The following UNC13C variants were observed in gnomAD, a reference collection of about 807,000 sequenced individuals.
UNC13C encodes unc-13 homolog C.
In UNC13C, 174 loss-of-function variants were observed where a neutral mutation model predicts 245.4. The ratio of observed to expected loss-of-function variants is 0.71; its 90% CI spans 0.63 to 0.80. The LOEUF (loss-of-function observed/expected upper bound fraction) is 0.80. UNC13C is among the 30% of genes least tolerant of loss of function. The pLI is 0.00. For synonymous variants in UNC13C, 992 were observed against 895.1 expected (o/e 1.11, Z -1.93); for missense variants, 2,829 against 2,602.9 (o/e 1.09, Z -1.89).
chr15:54,224,070 T>C (rs1021865993), intron 4 of UNC13C, among the ~76,000 whole-genome samples: 1 of 152,120 alleles, frequency 6.6e-6, no homozygotes, highest in African/African-American at 2.4e-5. Flanking sequence ...TATAAGATCA[T>C]ATCATGTGCA....
At chr15:54,223,918 CTTGA>C (rs1488681559) in intron 4 of UNC13C, among the ~76,000 whole-genome samples, 1 of 151,798 alleles carries the variant, frequency 6.6e-6, no homozygotes, top group Non-Finnish European at 1.5e-5. Context: ...AGGTTACTTT[CTTGA>C]TTTTGTTTTC....
At chr15:53,869,909 A>G in the UNC13C span, among the ~76,000 whole-genome samples, 1 of 152,220 alleles carries the variant, frequency 6.6e-6, no homozygotes, top group Non-Finnish European at 1.5e-5. Context: ...CTATTTAGAT[A>G]AACTCCTCTG....
chr15:54,292,334 A>T (rs924317510), intron 10 of UNC13C, among the ~76,000 whole-genome samples: 2 of 151,924 alleles, frequency 1.3e-5, no homozygotes, highest in Non-Finnish European at 1.5e-5. Context: ...TGTCCTGTAC[A>T]TGGTGGGGTA....
In UNC13C at chr15:54,613,494, T is replaced by C. The variant is rs558046367; in HGVS notation, c.6107-8833T>C. 2.0e-4 allele frequency among the ~76,000 whole-genome samples: 30 copies of C among 152,002 alleles called. 1 individual carries two copies. The South Asian group carries it at 5.8e-3, about 29-fold the overall frequency. On this transcript the variant is annotated intron_variant, in intron 30 of 32. Transcript: ENST00000260323. ...AAACCTCAAACAATACCTAGTGAAA[T>C]AAAACTGTACAATGATACTCATAAT...
At chr15:54,556,201 A>G (rs1897082610) in intron 29 of UNC13C, among the ~76,000 whole-genome samples, 1 of 152,080 alleles carries the variant, frequency 6.6e-6, no homozygotes, top group South Asian at 2.1e-4. Context: ...TCTAAATTCA[A>G]ATGATGTCCA....
chr15:54,428,275 T>C (rs1200466382), intron 19 of UNC13C, among the ~76,000 whole-genome samples: 1 of 151,714 alleles, frequency 6.6e-6, no homozygotes, highest in African/African-American at 2.4e-5. Flanking sequence ...ATCCAGTCTT[T>C]ACCCTGAACT....
chr15:54,200,817 G>A (rs2034499307), intron 4 of UNC13C, among the ~76,000 whole-genome samples: 1 of 151,794 alleles, frequency 6.6e-6, no homozygotes, highest in Admixed American at 6.6e-5. Context: ...ACATAACAAA[G>A]ATCAGAGCAG....
intron 20 of UNC13C, among the ~76,000 whole-genome samples, chr15:54,497,819 C>G (rs1387365771): frequency 6.6e-6 from 1 of 152,016 alleles, no homozygotes; most frequent in Non-Finnish European, 1.5e-5. Context: ...AAAGAAGGAA[C>G]ATTATAAACA....
At chr15:54,350,043 G>A (rs1465404650) in intron 17 of UNC13C, among the ~76,000 whole-genome samples, 1 of 151,960 alleles carries the variant, frequency 6.6e-6, no homozygotes, top group Middle Eastern at 3.4e-3. Context: ...GCTGGAGTGA[G>A]TGCAGTGGCA....
the UNC13C span, among the ~76,000 whole-genome samples, chr15:53,921,915 A>C: frequency 5.4e-4 from 82 of 152,334 alleles, 1 homozygote; most frequent in East Asian, 0.011. Flanking sequence ...CATGTAATCT[A>C]AGACTATTTT....
chr15:54,447,236 A>G (rs1264843022), intron 19 of UNC13C, among the ~76,000 whole-genome samples: 1 of 151,842 alleles, frequency 6.6e-6, no homozygotes, highest in African/African-American at 2.4e-5. Flanking sequence ...CATCAGGGAT[A>G]TTGGTCTAAA....
At chr15:53,902,100 A>T in the UNC13C span, among the ~76,000 whole-genome samples, 1 of 151,208 alleles carries the variant, frequency 6.6e-6, no homozygotes, top group Non-Finnish European at 1.5e-5. Context: ...TTTCTTCAAT[A>T]TTTTCAATAT....
At chr15:54,500,289 G>A in intron 21 of UNC13C, 114 bp downstream of exon 21, 1 of 787,344 alleles carries the variant, frequency 1.3e-6, no homozygotes, top group Non-Finnish European at 2.0e-6. Flanking sequence ...ATTCCCCAGT[G>A]ACCAAAATTA....
chr15:53,962,998 C>G, the UNC13C span, among the ~76,000 whole-genome samples: 1 of 152,168 alleles, frequency 6.6e-6, no homozygotes, highest in Non-Finnish European at 1.5e-5. Flanking sequence ...ATTTATGTAG[C>G]TTTCTCGACT....
At chr15:54,557,895 A>C (rs1277564987) in intron 29 of UNC13C, among the ~76,000 whole-genome samples, 2 of 152,114 alleles carry the variant, frequency 1.3e-5, no homozygotes, top group African/African-American at 4.8e-5. Context: ...AATGTGGCAC[A>C]TATACACCAT....
At chr15:53,933,555 A>G in the UNC13C span, among the ~76,000 whole-genome samples, 1 of 152,168 alleles carries the variant, frequency 6.6e-6, no homozygotes, top group African/African-American at 2.4e-5. Flanking sequence ...GATACATTCC[A>G]AAGTTTTAAT....
intron 31 of UNC13C, among the ~76,000 whole-genome samples, chr15:54,623,448 T>G (rs1900925715): frequency 6.6e-6 from 1 of 152,220 alleles, no homozygotes; most frequent in Non-Finnish European, 1.5e-5. Flanking sequence ...CATTGACTGG[T>G]AAATTTATAG....
chr15:53,875,674 T>G, the UNC13C span, among the ~76,000 whole-genome samples: 1 of 152,210 alleles, frequency 6.6e-6, no homozygotes, highest in East Asian at 1.9e-4. Flanking sequence ...AAGAAATTAA[T>G]GCTCCCTTTG....
chr15:54,147,734 TA>T (rs2032331237), intron 4 of UNC13C, among the ~76,000 whole-genome samples: 1 of 147,106 alleles, frequency 6.8e-6, no homozygotes, highest in Non-Finnish European at 1.5e-5. Flanking sequence ...ATTCTGAAAG[TA>T]CCACAAGTCT....
Sources: gnomAD v4.1 joint callset for allele counts (sites outside exome capture counted in the v4.1 genomes callset) on GRCh38, gnomAD v4.1.1 for gene constraint, MANE v1.5 for transcripts, NCBI Gene and HGNC (gene_info 2026-07-23, HGNC 2026-07-21) for gene names.